The following CNTLN variants were observed in gnomAD, a reference collection of about 807,000 sequenced individuals.
CNTLN encodes the protein centlein.
CNTLN carries 212 observed loss-of-function variants against 180.0 expected under a neutral mutation model. The ratio of observed to expected loss-of-function variants is 1.18; its 90% CI spans 1.05 to 1.32. CNTLN has a LOEUF of 1.32. CNTLN is among the 40% of genes most tolerant of loss of function. The pLI, the probability that CNTLN is intolerant of heterozygous loss-of-function variation, is 0.00. For synonymous variants in CNTLN, 722 were observed against 563.1 expected, an observed-to-expected ratio of 1.28 and a Z score of -3.99; for missense variants, 2,095 against 1,610.9, an observed-to-expected ratio of 1.30 and a Z score of -5.14.
intron 5 of CNTLN, among the ~76,000 whole-genome samples, chr9:17,268,863 G>T (rs1339959485): frequency 6.6e-6 from 1 of 151,762 alleles, no homozygotes; most frequent in Non-Finnish European, 1.5e-5. Flanking sequence ...ATAATCTGGT[G>T]TGCCGTTTTT....
rs1563866834 is a variant in CNTLN, at chr9:17,193,642, G to T, written c.450-32561G>T. ...GCCTCCCTCCCAGCTGCCTTCACGG[G>T]CTGGCATCGAGTGTCAGCGGCTTTT... On this transcript the variant is annotated intron_variant, in intron 2 of 25. Transcript: ENST00000380647. Among the ~76,000 whole-genome samples, 3 of 152,148 alleles carry T rather than the reference G, an allele frequency of 2.0e-5. No individual in the cohort carries two copies. The East Asian group carries it at 5.8e-4, about 29-fold the overall frequency.
chr9:17,215,839 G>A (rs937084054), intron 2 of CNTLN, among the ~76,000 whole-genome samples: 3 of 152,154 alleles, frequency 2.0e-5, no homozygotes, highest in Non-Finnish European at 2.9e-5. Flanking sequence ...GTGGGTGTGG[G>A]ACCCTCTGAG....
intron 14 of CNTLN, among the ~76,000 whole-genome samples, chr9:17,390,509 G>A (rs1292736475): frequency 6.6e-6 from 1 of 151,948 alleles, no homozygotes; most frequent in African/African-American, 2.4e-5. Flanking sequence ...CTCCCAAAGT[G>A]CTGGGATTAC....
intron 6 of CNTLN, among the ~76,000 whole-genome samples, chr9:17,288,453 G>C (rs972267091): frequency 7.0e-6 from 1 of 142,412 alleles, no homozygotes; most frequent in African/African-American, 2.8e-5. Context: ...TGGAATAGGT[G>C]TGGTGTGGTG....
At chr9:17,295,558 G>A (rs1311743819) in intron 6 of CNTLN, among the ~76,000 whole-genome samples, 1 of 152,098 alleles carries the variant, frequency 6.6e-6, no homozygotes, top group Non-Finnish European at 1.5e-5. Context: ...CTCAGTTGCC[G>A]GTGCAGGATT....
intron 13 of CNTLN, among the ~76,000 whole-genome samples, chr9:17,371,887 A>G (rs1321082158): frequency 6.6e-6 from 1 of 152,184 alleles, no homozygotes; most frequent in African/African-American, 2.4e-5. Flanking sequence ...GAAGAAATTA[A>G]GGAGGAAATT....
At position 17,249,342 on chromosome 9, in the gene CNTLN, A is replaced by AT. The variant is rs1825989969; in HGVS notation, c.849+12756dup. Among the ~76,000 whole-genome samples, 4 of 107,864 alleles carry AT rather than the reference A, an allele frequency of 3.7e-5. No individual in the cohort carries two copies. The South Asian group carries it at 1.2e-3, about 31-fold the overall frequency. The allele number at this position is 107,864 out of a possible 152,430, so 70.8% of individuals were successfully genotyped here. On this transcript the variant is annotated intron_variant, in intron 5 of 25. Coordinates refer to ENST00000380647, the MANE Select transcript of CNTLN (RefSeq NM_017738.4). Reference sequence around the variant, plus strand: ...TCTTCTTTGATCCATTGGTTCTTTGATTGTTTTTTTTGTTTTTTTTTTTTG... The same window carrying AT: ...TCTTCTTTGATCCATTGGTTCTTTGATTTGTTTTTTTTGTTTTTTTTTTTTG...
At chr9:17,333,370 A>G (rs1820771561) in intron 10 of CNTLN, among the ~76,000 whole-genome samples, 1 of 152,094 alleles carries the variant, frequency 6.6e-6, no homozygotes. Flanking sequence ...GTGTGACTAC[A>G]TTGAGGGTTT....
intron 3 of CNTLN, among the ~76,000 whole-genome samples, chr9:17,227,240 G>A (rs1824529699): frequency 6.6e-6 from 1 of 151,708 alleles, no homozygotes; most frequent in Non-Finnish European, 1.5e-5. Context: ...GATTTGGGCA[G>A]GGACAGATAT....
intron 5 of CNTLN, among the ~76,000 whole-genome samples, chr9:17,266,239 C>T (rs1314863387): frequency 6.6e-6 from 1 of 152,112 alleles, no homozygotes; most frequent in African/African-American, 2.4e-5. Context: ...TATGCTGTGT[C>T]TTTGTTATCA....
chr9:17,352,576 T>C (rs969531584), intron 12 of CNTLN, among the ~76,000 whole-genome samples: 1 of 152,042 alleles, frequency 6.6e-6, no homozygotes, highest in African/African-American at 2.4e-5. Context: ...TTCACATTAG[T>C]TGTATTTTAA....
chr9:17,527,416 G>A, the CNTLN span, among the ~76,000 whole-genome samples: 1 of 152,176 alleles, frequency 6.6e-6, no homozygotes, highest in South Asian at 2.1e-4. Context: ...TCCTTAAATA[G>A]ATAGAAGCTC....
At chr9:17,249,756 T>C (rs1434118479) in intron 5 of CNTLN, among the ~76,000 whole-genome samples, 1 of 151,844 alleles carries the variant, frequency 6.6e-6, no homozygotes, top group Non-Finnish European at 1.5e-5. Context: ...TGTGTTATAT[T>C]ACTGTTTTAA....
chr9:17,502,246 T>C (rs1344733661), intron 25 of CNTLN, among the ~76,000 whole-genome samples: 1 of 152,234 alleles, frequency 6.6e-6, no homozygotes, highest in Admixed American at 6.5e-5. Context: ...GATCAGCTGA[T>C]TGAAGATAAA....
intron 2 of CNTLN, among the ~76,000 whole-genome samples, chr9:17,189,315 C>G (rs2131795752): frequency 6.6e-6 from 1 of 151,520 alleles, no homozygotes; most frequent in African/African-American, 2.4e-5. Flanking sequence ...ATCTTCTGAC[C>G]TCATGATCTG....
At chr9:17,256,438 T>C (rs11562139) in intron 5 of CNTLN, among the ~76,000 whole-genome samples, 25,169 of 151,950 alleles carry the variant, frequency 0.17, 2,279 homozygotes, top group South Asian at 0.28. Context: ...TTTTTGACTG[T>C]TTAGTAAAAG....
At chr9:17,509,389 T>G in the CNTLN span, among the ~76,000 whole-genome samples, 1 of 152,160 alleles carries the variant, frequency 6.6e-6, no homozygotes, top group Non-Finnish European at 1.5e-5. Flanking sequence ...ACAAAATGCT[T>G]CTGCCAAAAC....
chr9:17,286,934 C>T (rs1220604151), intron 6 of CNTLN, among the ~76,000 whole-genome samples: 2 of 135,504 alleles, frequency 1.5e-5, no homozygotes, highest in South Asian at 2.7e-4. Flanking sequence ...TCTAGATATA[C>T]AATCATGTCG....
At chr9:17,301,609 C>T (rs1378012782) in intron 7 of CNTLN, 1 of 982,268 alleles carries the variant, frequency 1.0e-6, no homozygotes, top group East Asian at 1.1e-4. Flanking sequence ...GAAATTGTAC[C>T]TCCCACTGTA....
Sources: gnomAD v4.1 joint callset for allele counts (sites outside exome capture counted in the v4.1 genomes callset) on GRCh38, gnomAD v4.1.1 for gene constraint, MANE v1.5 for transcripts, NCBI Gene and HGNC (gene_info 2026-07-23, HGNC 2026-07-21) for gene names.